The following LRRC37A3 variants were observed in gnomAD, a reference collection of about 807,000 sequenced individuals.
LRRC37A3 encodes leucine-rich repeat-containing protein 37A3.
In LRRC37A3, 25 loss-of-function variants were observed where a neutral mutation model predicts 106.2. The observed-to-expected ratio is 0.24, with a 90% confidence interval of 0.17 to 0.33. LRRC37A3 has a LOEUF of 0.33. Among genes scored for constraint, LRRC37A3 ranks in the 10% least tolerant of loss-of-function variants. The pLI is 1.00. For missense variants in LRRC37A3, 712 were observed against 1,644.9 expected (o/e 0.43, Z 9.81); for synonymous variants, 305 against 635.8 (o/e 0.48, Z 7.83).
intron 14 of LRRC37A3, 139 bp downstream of exon 14, chr17:64,855,701 C>G: frequency 7.4e-7 from 1 of 1,356,340 alleles, no homozygotes; most frequent in Non-Finnish European, 1.0e-6. Context: ...ACTCGGGAGG[C>G]TGAGGCAGGA....
intron 10 of LRRC37A3, among the ~76,000 whole-genome samples, chr17:64,865,456 C>T (rs888596562): frequency 8.5e-5 from 13 of 152,182 alleles, no homozygotes; most frequent in African/African-American, 2.9e-4. Context: ...TCTTTTTCTG[C>T]CCCCAACTTT....
At chr17:64,908,759 AG>A (rs1369254776) in intron 2 of LRRC37A3, among the ~76,000 whole-genome samples, 2 of 128,320 alleles carry the variant, frequency 1.6e-5, no homozygotes, top group Non-Finnish European at 3.1e-5. Context: ...CCTAGGCAAC[AG>A]AGACTCCGTC....
Position 64,859,452 on chromosome 17 carries a change from T to A in LRRC37A3, c.4694A>T (p.Lys1565Met), listed in dbSNP as rs566997556. 2.0e-5 allele frequency: 32 copies of A among 1,602,454 alleles called. No individual in the cohort carries two copies. The African/African-American group carries it at 3.8e-4, about 19-fold the overall frequency. ...CTGTGTAGTCCTCACCTCAAGCGAC[T>A]TCTCTTTCTGTTCACTCTGGGCTTC... The part of the protein sequence containing the change: ...STEAQSEQKE[K>M]SLEFTKELPG... Residue 1565 changes from lysine to methionine, a missense_variant, in exon 12 of 15, where the codon AAG (lysine) becomes ATG (methionine). Physicochemically the swap from Lys to Met is moderately conservative, Grantham distance 95 (BLOSUM62 -1). Transcript: ENST00000584306.
rs1316614873 is a variant in LRRC37A3, at chr17:64,865,806, C to T, written c.3053+2656G>A. 7.9e-5 allele frequency among the ~76,000 whole-genome samples: 12 copies of T among 152,288 alleles called. No individual in the cohort carries two copies. In the Middle Eastern group the frequency reaches 0.01, roughly 129 times the overall value. ...CGTATACACATTTTCACAATTGTCC[C>T]AATCATAACATGGCTTAAAAAATTC... On this transcript the variant is annotated intron_variant, in intron 10 of 14. Transcript: ENST00000584306.
intron 8 of LRRC37A3, among the ~76,000 whole-genome samples, chr17:64,871,321 C>T (rs1436833230): frequency 6.6e-6 from 1 of 152,124 alleles, no homozygotes; most frequent in Non-Finnish European, 1.5e-5. Context: ...TTGCTTGAAC[C>T]CGGGAGGCGG....
chr17:64,919,249 G>A (rs1040973543), intron 1 of LRRC37A3, among the ~76,000 whole-genome samples, 182 bp downstream of exon 1: 20 of 152,118 alleles, frequency 1.3e-4, no homozygotes, highest in African/African-American at 4.6e-4. Flanking sequence ...CTGCCCCGCC[G>A]GCCCCTCATG....
chr17:64,882,471 A>G (rs1229678415), intron 8 of LRRC37A3, among the ~76,000 whole-genome samples: 1 of 152,176 alleles, frequency 6.6e-6, no homozygotes, highest in East Asian at 1.9e-4. Flanking sequence ...ACAAATTTAA[A>G]CAGCCACCCT....
In LRRC37A3 at chr17:64,866,469, G is replaced by T. The variant is rs539960646; in HGVS notation, c.3053+1993C>A. Among the ~76,000 whole-genome samples the T allele has an allele frequency of 5.4e-5, 8 of 149,240 alleles. No homozygotes were observed. In the East Asian group the frequency reaches 1.6e-3, roughly 29 times the overall value. ...GTCTCTATTTAGCTTGCCATATTGTGGGGGCTGGTGGCACAATTGAAGTTG... is the reference window on the plus strand; with the variant it reads ...GTCTCTATTTAGCTTGCCATATTGTTGGGGCTGGTGGCACAATTGAAGTTG... On this transcript the variant is annotated intron_variant, in intron 10 of 14. Coordinates refer to ENST00000584306, the MANE Select transcript of LRRC37A3 (RefSeq NM_199340.5).
intron 2 of LRRC37A3, chr17:64,910,178 A>G (rs1974557121): frequency 6.6e-6 from 1 of 152,358 alleles, no homozygotes; most frequent in African/African-American, 2.4e-5. Flanking sequence ...AACTTTGCCT[A>G]TATATTTTAG....
chr17:64,859,599 T>C lies in LRRC37A3; in HGVS notation c.4547A>G (p.Lys1516Arg). The C allele has an allele frequency of 1.9e-6, 3 of 1,613,084 alleles. No individual in the cohort carries two copies. Among genetic ancestry groups the C allele is most frequent in the Non-Finnish European group, 2.5e-6 (3 of 1,179,874 alleles). The stretch of plus-strand genomic sequence containing the variant: ...CAGGTGGCCTGTCCTGGAGACGAGC[T>C]TGGCACAGGTCACTTGCACATGGGC... ...SGAHVQVTCA[K>R]LVSRTGHLMK... is the part of the protein sequence containing the mutation. Residue 1516 changes from lysine to arginine, a missense_variant, in exon 12 of 15, where the codon AAG becomes AGG. Physicochemically the swap from Lys to Arg is conservative, Grantham distance 26. Transcript: ENST00000584306.
At chr17:64,883,167 C>A (rs574325533) in intron 8 of LRRC37A3, among the ~76,000 whole-genome samples, 1 of 152,302 alleles carries the variant, frequency 6.6e-6, no homozygotes, top group Non-Finnish European at 1.5e-5. Flanking sequence ...TGCTTGGATG[C>A]CCTGCAAATA....
At chr17:64,867,586 A>G (rs971704505) in intron 10 of LRRC37A3, among the ~76,000 whole-genome samples, 3 of 151,040 alleles carry the variant, frequency 2.0e-5, no homozygotes, top group Non-Finnish European at 4.4e-5. Flanking sequence ...TGTAAATGGT[A>G]TGTACATAAT....
At chr17:64,874,514 G>T (rs898487473) in intron 8 of LRRC37A3, among the ~76,000 whole-genome samples, 1 of 150,806 alleles carries the variant, frequency 6.6e-6, no homozygotes, top group Non-Finnish European at 1.5e-5. Flanking sequence ...CCCCGTCCGG[G>T]AGGTGGGGGG....
intron 8 of LRRC37A3, among the ~76,000 whole-genome samples, chr17:64,871,000 G>C (rs1973294823): frequency 6.6e-6 from 1 of 151,198 alleles, no homozygotes; most frequent in Admixed American, 6.6e-5. Flanking sequence ...CTCCCAAATA[G>C]CTGGGACTAT....
Position 64,855,955 on chromosome 17 carries a change from G to A in LRRC37A3, c.4810-66C>T, listed in dbSNP as rs911755321. On this transcript the variant is annotated intron_variant, in intron 13 of 14. Transcript: ENST00000584306. ...CAACCACCATCTCCAAATCTGTATT[G>A]ATTCCTTTTATTCATTATAAGTCTC... is the stretch of plus-strand genomic sequence containing the variant. The A allele has an allele frequency of 4.4e-6, 7 of 1,608,650 alleles. No individual in the cohort carries two copies. In the Admixed American group the frequency reaches 5.0e-5, roughly 12 times the overall value.
At chr17:64,882,437 C>G (rs1973734961) in intron 8 of LRRC37A3, among the ~76,000 whole-genome samples, 1 of 152,176 alleles carries the variant, frequency 6.6e-6, no homozygotes, top group African/African-American at 2.4e-5. Context: ...TTAGGTGTGA[C>G]AATCTCAAGA....
chr17:64,859,290 C>T (rs1972786396), intron 12 of LRRC37A3, 152 bp downstream of exon 12: 2 of 907,526 alleles, frequency 2.2e-6, no homozygotes, highest in Non-Finnish European at 3.4e-6. Flanking sequence ...TCACTCTCTA[C>T]ATGAGCAAAG....
In LRRC37A3 at chr17:64,890,357, C is replaced by A. The variant is rs1335065049; in HGVS notation, c.2682-605G>T. The stretch of plus-strand genomic sequence containing the variant: ...GTGCTGTGACTGCAGACATGAGCCA[C>A]CTCACCTGGCCAAAATATTCAGTTT... On this transcript the variant is annotated intron_variant, in intron 5 of 14. Coordinates refer to ENST00000584306, the MANE Select transcript of LRRC37A3 (RefSeq NM_199340.5). Among the ~76,000 whole-genome samples, 4 of 101,488 alleles carry A rather than the reference C, an allele frequency of 3.9e-5. No homozygotes were observed. The East Asian group carries it at 1.0e-3, about 26-fold the overall frequency. The allele number at this position is 101,488 out of a possible 152,430, so 66.6% of individuals were successfully genotyped here.
chr17:64,872,413 G>A (rs997205500), intron 8 of LRRC37A3, among the ~76,000 whole-genome samples: 1 of 152,066 alleles, frequency 6.6e-6, no homozygotes, highest in African/African-American at 2.4e-5. Context: ...TCCCCAACCA[G>A]AGGGAGCAGA....
Sources: allele counts gnomAD v4.1 joint callset (sites outside exome capture counted in the v4.1 genomes callset), GRCh38; gene constraint gnomAD v4.1.1; transcripts MANE v1.5; gene names NCBI Gene and HGNC (gene_info 2026-07-23, HGNC 2026-07-21).